CLEC3A: variants seen among roughly 807,000 people sequenced by gnomAD.
CLEC3A encodes C-type (calcium dependent, carbohydrate-recognition domain) lectin, superfamily member 1 (cartilage-derived).
CLEC3A carries 28 observed loss-of-function variants against 20.4 expected under a neutral mutation model. The observed-to-expected ratio is 1.37, with a 90% CI of 1.02 to 1.88. CLEC3A has a LOEUF of 1.88. Among genes scored for constraint, CLEC3A ranks in the 40% most tolerant of loss-of-function variants. CLEC3A has a pLI of 0.00. For missense variants in CLEC3A, 357 were observed against 240.4 expected (o/e 1.48, Z -3.21); for synonymous variants, 110 against 88.1 (o/e 1.25, Z -1.39).
At chr16:78,026,435 A>G (rs2029925556) in intron 1 of CLEC3A, among the ~76,000 whole-genome samples, 1 of 152,204 alleles carries the variant, frequency 6.6e-6, no homozygotes, top group Admixed American at 6.5e-5. Flanking sequence ...CCAAGAAGGT[A>G]GAGGCAATCA....
chr16:78,031,229 GT>G lies in CLEC3A; in HGVS notation c.*391del, dbSNP rs1490477226. The G allele has an allele frequency of 5.8e-6, 1 of 171,304 alleles. No individual in the cohort carries two copies. Among genetic ancestry groups the G allele is most frequent in the Non-Finnish European group, 1.2e-5 (1 of 80,862 alleles). 10.6% of individuals were successfully genotyped at this position (171,304 alleles called of 1,614,324 possible). The stretch of plus-strand genomic sequence containing the variant: ...ATTTTCCCTTGGAAGTTTAGCGTAT[GT>G]TTGACTAACAAAAATTCCCTACATC... On this transcript the variant is annotated 3_prime_UTR_variant, in exon 3 of 3. Transcript: ENST00000299642.
At chr16:78,024,455 C>T (rs2018787133) in intron 1 of CLEC3A, among the ~76,000 whole-genome samples, 1 of 152,110 alleles carries the variant, frequency 6.6e-6, no homozygotes, top group Non-Finnish European at 1.5e-5. Context: ...TTACCCCCTT[C>T]TTCCCCACTG....
intron 1 of CLEC3A, among the ~76,000 whole-genome samples, chr16:78,024,262 G>A (rs964339718): frequency 6.6e-6 from 1 of 152,150 alleles, no homozygotes; most frequent in Non-Finnish European, 1.5e-5. Flanking sequence ...CACTCCTCGT[G>A]AGAGTGGCGA....
rs545876028 is a variant in CLEC3A at position 78,022,716 on chromosome 16, G to A, written c.90G>A (p.Arg30=). The A allele has an allele frequency of 1.9e-6, 3 of 1,614,154 alleles. No individual in the cohort carries two copies. In the African/African-American group the frequency reaches 4.0e-5, roughly 22 times the overall value. Residue 30 remains arginine, a synonymous_variant, in exon 1 of 3, where the codon AGG becomes AGA. Transcript: ENST00000299642. The part of the protein sequence containing the change: ...TTSHTSRLKA[R]KHSKRRVRDK... ...GCCACACATCCAGATTAAAAGCCAGGAAGCACAGCAAACGTCGAGTGAGAG... is the reference window on the plus strand; with the variant it reads ...GCCACACATCCAGATTAAAAGCCAGAAAGCACAGCAAACGTCGAGTGAGAG...
rs1458033456 is a variant in CLEC3A at position 78,028,168 on chromosome 16, G to A, written c.177G>A (p.Lys59=). ...EKLWTEVNAL[K]EIQALQTVCL... is the part of the protein sequence containing the mutation. ...TCTGGACAGAAGTCAATGCCTTGAA[G>A]GAAATTCAAGCCCTGCAGACAGGTA... is the stretch of plus-strand genomic sequence containing the variant. The change falls in exon 2 of 3, where the codon AAG becomes AAA. Residue 59 remains lysine, a synonymous_variant. Coordinates refer to ENST00000299642, the MANE Select transcript of CLEC3A (RefSeq NM_005752.6). 1 of 1,610,026 alleles carries A rather than the reference G, an allele frequency of 6.2e-7. No homozygotes were observed. Among genetic ancestry groups the A allele is most frequent in the Non-Finnish European group, 8.5e-7 (1 of 1,179,006 alleles).
At chr16:78,023,820 C>T (rs113695628) in intron 1 of CLEC3A, among the ~76,000 whole-genome samples, 2,360 of 150,236 alleles carry the variant, frequency 0.016, 62 homozygotes, top group African/African-American at 0.055. Context: ...GGCAGTGACA[C>T]AATCTTGGCT....
intron 1 of CLEC3A, among the ~76,000 whole-genome samples, chr16:78,024,276 C>G (rs746933321): frequency 3.3e-5 from 5 of 152,084 alleles, no homozygotes; most frequent in Admixed American, 6.5e-5. Context: ...GTGGCGATCA[C>G]CCAGTAGGAA....
intron 1 of CLEC3A, among the ~76,000 whole-genome samples, chr16:78,025,668 G>C (rs1335732516): frequency 1.3e-5 from 2 of 152,198 alleles, no homozygotes; most frequent in African/African-American, 4.8e-5. Context: ...TCAAACACAA[G>C]ATCTCTCTGG....
chr16:78,029,299 A>G (rs1452577841), intron 2 of CLEC3A, among the ~76,000 whole-genome samples: 1 of 152,218 alleles, frequency 6.6e-6, no homozygotes, highest in African/African-American at 2.4e-5. Context: ...AAACAATATT[A>G]CCAAGGCTCA....
chr16:78,028,297 G>A, intron 2 of CLEC3A, 107 bp downstream of exon 2: 1 of 714,524 alleles, frequency 1.4e-6, no homozygotes, highest in Non-Finnish European at 2.2e-6. Context: ...AATCAATAAT[G>A]TGGCCAATAA....
At chr16:78,029,247 G>A (rs1031225893) in intron 2 of CLEC3A, 35 of 368,298 alleles carry the variant, frequency 9.5e-5, no homozygotes, top group African/African-American at 3.8e-4. Context: ...CCAGTGCTAC[G>A]GCCTAAAACT....
At chr16:78,026,755 A>C (rs1433509463) in intron 1 of CLEC3A, among the ~76,000 whole-genome samples, 4 of 152,224 alleles carry the variant, frequency 2.6e-5, no homozygotes, top group African/African-American at 9.6e-5. Flanking sequence ...ATTTCAATTT[A>C]TCCAAGGCTT....
chr16:78,030,128 G>C (rs576588036), intron 2 of CLEC3A, among the ~76,000 whole-genome samples: 30 of 145,902 alleles, frequency 2.1e-4, no homozygotes, highest in Non-Finnish European at 3.5e-4. Flanking sequence ...ACTCCAGCCT[G>C]GGCGACAGAG....
Position 78,031,991 on chromosome 16 carries a change from G to C in CLEC3A, c.*1150G>C, listed in dbSNP as rs117385217. 5.2e-5 allele frequency: 8 copies of C among 152,694 alleles called. No homozygotes were observed. The East Asian group carries it at 1.4e-3, about 26-fold the overall frequency. 9.5% of individuals were successfully genotyped at this position (152,694 alleles called of 1,614,324 possible). On this transcript the variant is annotated 3_prime_UTR_variant, in exon 3 of 3. Transcript: ENST00000299642. ...TTCAAATAAATAGTGTTTAAACATT[G>C]AATGTGTTTTGTGAACAATATCCCA...
At chr16:78,029,167 G>T (rs7190832) in intron 2 of CLEC3A, 161,019 of 455,142 alleles carry the variant, frequency 0.35, 30,535 homozygotes, top group East Asian at 0.49. Flanking sequence ...TTGTTCAAGA[G>T]ATACACAGCT....
Position 78,030,817 on chromosome 16 carries a change from A to G in CLEC3A, c.570A>G (p.Ile190Met). 1.2e-6 allele frequency: 2 copies of G among 1,613,378 alleles called. No homozygotes were observed. The highest frequency in any genetic ancestry group is 1.7e-6 in the Non-Finnish European group (2 of 1,179,618). Reference sequence around the variant, plus strand: ...CCTGTCGCAGCAGCAAGAGATACATATGCGAGTTCACCATCCCTCAATAGG... The same window carrying G: ...CCTGTCGCAGCAGCAAGAGATACATGTGCGAGTTCACCATCCCTCAATAGG... ...DEACRSSKRY[I>M]CEFTIPQ is the part of the protein sequence containing the mutation. The change falls in exon 3 of 3, where the codon ATA (isoleucine) becomes ATG (methionine). Residue 190 changes from isoleucine (I) to methionine (M), a missense_variant. Physicochemically the swap from Ile to Met is conservative, Grantham distance 10. Coordinates refer to ENST00000299642, the MANE Select transcript of CLEC3A (RefSeq NM_005752.6).
intron 2 of CLEC3A, among the ~76,000 whole-genome samples, chr16:78,029,880 G>T (rs925704121): frequency 6.6e-6 from 1 of 152,004 alleles, no homozygotes; most frequent in Non-Finnish European, 1.5e-5. Context: ...GTGGCTAGGC[G>T]CAGTGGCTCA....
At chr16:78,027,175 A>T (rs2029948577) in intron 1 of CLEC3A, among the ~76,000 whole-genome samples, 1 of 152,230 alleles carries the variant, frequency 6.6e-6, no homozygotes, top group Non-Finnish European at 1.5e-5. Context: ...GTATCATGTT[A>T]AGCATCAGAA....
At position 78,030,798 on chromosome 16, in the gene CLEC3A, G is replaced by C; in HGVS notation, c.551G>C (p.Arg184Pro). The C allele has an allele frequency of 2.5e-6, 4 of 1,613,984 alleles. No homozygotes were observed. Residue 184 changes from arginine to proline, a missense_variant, in exon 3 of 3, where the codon CGC (arginine) becomes CCC (proline). Coordinates refer to ENST00000299642, the MANE Select transcript of CLEC3A (RefSeq NM_005752.6). ...AQGKWSDEAC[R>P]SSKRYICEFT... ...GGCAAGTGGAGTGATGAGGCCTGTCGCAGCAGCAAGAGATACATATGCGAG... is the reference window on the plus strand; with the variant it reads ...GGCAAGTGGAGTGATGAGGCCTGTCCCAGCAGCAAGAGATACATATGCGAG...
Sources: gnomAD v4.1 joint callset for allele counts (sites outside exome capture counted in the v4.1 genomes callset) on GRCh38, gnomAD v4.1.1 for gene constraint, MANE v1.5 for transcripts, NCBI Gene and HGNC (gene_info 2026-07-23, HGNC 2026-07-21) for gene names.